The following TENM3 variants were observed in gnomAD, a reference collection of about 807,000 sequenced individuals.
The protein encoded by TENM3 is teneurin transmembrane protein 3.
Under a neutral mutation model 255.1 loss-of-function variants are expected in TENM3, and 63 were observed. The ratio of observed to expected loss-of-function variants is 0.25; its 90% confidence interval spans 0.20 to 0.30. TENM3 has a LOEUF of 0.30. Among genes scored for constraint, TENM3 ranks in the 10% least tolerant of loss-of-function variants. The pLI is 1.00. For missense variants in TENM3, 2,929 were observed against 3,461.1 expected (o/e 0.85, Z 3.86); for synonymous variants, 1,306 against 1,322.3 (o/e 0.99, Z 0.27).
At chr4:182,251,804 T>G (rs1758031538) in intron 1 of TENM3, among the ~76,000 whole-genome samples, 1 of 152,212 alleles carries the variant, frequency 6.6e-6, no homozygotes, top group Non-Finnish European at 1.5e-5. Context: ...CATAAAATTC[T>G]TGGTGACTGT....
chr4:181,979,571 T>C, the TENM3 span, among the ~76,000 whole-genome samples: 444 of 152,308 alleles, frequency 2.9e-3, 5 homozygotes, highest in African/African-American at 0.01. Context: ...ACGGGTGCTC[T>C]GCCACAGGGA....
the TENM3 span, among the ~76,000 whole-genome samples, chr4:182,055,427 C>T: frequency 6.6e-5 from 10 of 152,088 alleles, no homozygotes; most frequent in African/African-American, 9.7e-5. Flanking sequence ...GTCTCACTCA[C>T]GCTCTGGCTC....
the TENM3 span, among the ~76,000 whole-genome samples, chr4:181,836,659 C>A: frequency 4.3e-4 from 65 of 152,310 alleles, no homozygotes; most frequent in Non-Finnish European, 7.1e-4. Context: ...GCCAATATCA[C>A]CGTGCCTTAA....
At chr4:181,517,391 A>G in the TENM3 span, among the ~76,000 whole-genome samples, 3 of 152,344 alleles carry the variant, frequency 2.0e-5, no homozygotes, top group Middle Eastern at 6.8e-3. Context: ...CAGAGTGTAG[A>G]GAATAGGTAC....
the TENM3 span, among the ~76,000 whole-genome samples, chr4:181,731,376 C>G: frequency 6.6e-6 from 1 of 152,110 alleles, no homozygotes; most frequent in African/African-American, 2.4e-5. Context: ...TTTTCTGAGA[C>G]AGGGTCTCAC....
the TENM3 span, among the ~76,000 whole-genome samples, chr4:181,798,165 C>T: frequency 6.6e-6 from 1 of 151,908 alleles, no homozygotes; most frequent in Non-Finnish European, 1.5e-5. Flanking sequence ...AGAATTTACA[C>T]ACTGATAAGT....
At chr4:182,781,866 T>C (rs1165087390) in intron 24 of TENM3, among the ~76,000 whole-genome samples, 1 of 151,670 alleles carries the variant, frequency 6.6e-6, no homozygotes, top group Non-Finnish European at 1.5e-5. Context: ...TATTCTCTGA[T>C]GGTACTTTGT....
chr4:182,354,508 G>T (rs764069164), intron 3 of TENM3, among the ~76,000 whole-genome samples: 2 of 152,164 alleles, frequency 1.3e-5, no homozygotes, highest in Non-Finnish European at 2.9e-5. Context: ...GCACTCAAGT[G>T]TCGGAAAAGC....
At chr4:181,453,570 A>AAT in the TENM3 span, among the ~76,000 whole-genome samples, 1 of 151,900 alleles carries the variant, frequency 6.6e-6, no homozygotes, top group South Asian at 2.1e-4. Flanking sequence ...GCAAAAAAAA[A>AAT]GGTCAGGGGA....
intron 5 of TENM3, among the ~76,000 whole-genome samples, chr4:182,642,953 A>G (rs1377778874): frequency 2.0e-5 from 3 of 152,234 alleles, no homozygotes; most frequent in African/African-American, 7.2e-5. Context: ...TAGAATGCCA[A>G]AATATTGCCC....
At chr4:181,603,572 C>G in the TENM3 span, among the ~76,000 whole-genome samples, 1 of 151,980 alleles carries the variant, frequency 6.6e-6, no homozygotes, top group Non-Finnish European at 1.5e-5. Flanking sequence ...AAAATTAGTC[C>G]CTCAATGTTT....
the TENM3 span, among the ~76,000 whole-genome samples, chr4:181,760,999 C>CACACACACACACACACACACACAT: frequency 1.4e-4 from 21 of 145,626 alleles, no homozygotes; most frequent in African/African-American, 5.4e-4. Flanking sequence ...CACACACACA[C>CACACACACACACACACACACACAT]ACACACACAC....
At chr4:182,061,595 T>C in the TENM3 span, among the ~76,000 whole-genome samples, 1 of 152,236 alleles carries the variant, frequency 6.6e-6, no homozygotes, top group Non-Finnish European at 1.5e-5. Context: ...TACGTGGTAA[T>C]TGGCATGGGG....
the TENM3 span, among the ~76,000 whole-genome samples, chr4:181,907,331 G>A: frequency 6.6e-6 from 1 of 152,140 alleles, no homozygotes; most frequent in African/African-American, 2.4e-5. Flanking sequence ...TGTGTCCCTA[G>A]CCAGTCACTG....
chr4:182,015,205 G>A, the TENM3 span, among the ~76,000 whole-genome samples: 5 of 152,118 alleles, frequency 3.3e-5, no homozygotes, highest in Non-Finnish European at 5.9e-5. Flanking sequence ...ACTCCTGTGC[G>A]AGCTCAGGGC....
chr4:182,086,420 C>T, the TENM3 span, among the ~76,000 whole-genome samples: 1,517 of 152,256 alleles, frequency 1.0e-2, 29 homozygotes, highest in African/African-American at 0.034. Flanking sequence ...GAAACATTTG[C>T]CACCTTCTGT....
the TENM3 span, among the ~76,000 whole-genome samples, chr4:182,114,124 C>T: frequency 6.6e-6 from 1 of 152,288 alleles, no homozygotes; most frequent in Admixed American, 6.5e-5. Context: ...GGAAGACTCT[C>T]TGACTGTCTA....
chr4:181,788,518 C>G, the TENM3 span, among the ~76,000 whole-genome samples: 1 of 152,138 alleles, frequency 6.6e-6, no homozygotes, highest in Non-Finnish European at 1.5e-5. Flanking sequence ...AGCAGAGGAG[C>G]CAGGATGGAA....
the TENM3 span, among the ~76,000 whole-genome samples, chr4:181,504,406 C>T: frequency 6.6e-6 from 1 of 152,146 alleles, no homozygotes; most frequent in Non-Finnish European, 1.5e-5. Flanking sequence ...GAGTAAGGAA[C>T]CAGTGCAGAA....
Sources: gnomAD v4.1 joint callset for allele counts (sites outside exome capture counted in the v4.1 genomes callset) on GRCh38, gnomAD v4.1.1 for gene constraint, MANE v1.5 for transcripts, NCBI Gene and HGNC (gene_info 2026-07-23, HGNC 2026-07-21) for gene names.